NR2F1-AS1: variants seen among roughly 807,000 people sequenced by gnomAD.
NR2F1-AS1 encodes the protein NR2F1 regulatory antisense RNA 1.
intron 4 of NR2F1-AS1, among the ~76,000 whole-genome samples, chr5:93,442,927 C>A (rs892637956): frequency 6.6e-6 from 1 of 152,220 alleles, no homozygotes; most frequent in African/African-American, 2.4e-5. Context: ...CCCAGGCAAA[C>A]AGGGTCTGGA....
At chr5:93,480,035 T>C (rs1383721273) in intron 4 of NR2F1-AS1, among the ~76,000 whole-genome samples, 1 of 152,012 alleles carries the variant, frequency 6.6e-6, no homozygotes, top group Non-Finnish European at 1.5e-5. Flanking sequence ...TCTACAGGAC[T>C]TATAGGACAT....
chr5:93,583,182 A>C (rs1298129313), upstream of NR2F1-AS1: 1 of 152,110 alleles, frequency 6.6e-6, no homozygotes, highest in Non-Finnish European at 1.5e-5. Flanking sequence ...AGTAGTGTCA[A>C]AGTTCACTAT....
At chr5:93,502,487 A>G (rs145683871) in intron 4 of NR2F1-AS1, among the ~76,000 whole-genome samples, 412 of 152,300 alleles carry the variant, frequency 2.7e-3, no homozygotes, top group African/African-American at 9.5e-3. Flanking sequence ...CCTAGGGGCC[A>G]GTAGCTAAGG....
intron 1 of NR2F1-AS1, among the ~76,000 whole-genome samples, chr5:93,564,145 A>C (rs1162532562): frequency 1.5e-5 from 2 of 130,234 alleles, no homozygotes; most frequent in East Asian, 2.1e-4. Flanking sequence ...AAAAAAAAAA[A>C]AAAAACACAC....
At chr5:93,539,493 T>C (rs993295028) in intron 4 of NR2F1-AS1, among the ~76,000 whole-genome samples, 1 of 151,994 alleles carries the variant, frequency 6.6e-6, no homozygotes, top group African/African-American at 2.4e-5. Flanking sequence ...TTAAGTGAAA[T>C]AAGCCAGACA....
chr5:93,515,048 A>G (rs1011893525), intron 4 of NR2F1-AS1, among the ~76,000 whole-genome samples: 8 of 151,928 alleles, frequency 5.3e-5, no homozygotes, highest in African/African-American at 1.9e-4. Context: ...TTTATTTGGC[A>G]AGCTTCTTAG....
intron 1 of NR2F1-AS1, among the ~76,000 whole-genome samples, chr5:93,565,466 GTAAC>G (rs1376021190): frequency 6.6e-6 from 1 of 151,938 alleles, no homozygotes; most frequent in South Asian, 2.1e-4. Context: ...GTAAAAAAAA[GTAAC>G]TAAGTAGCAA....
chr5:93,447,933 G>A (rs1405832857), intron 4 of NR2F1-AS1, among the ~76,000 whole-genome samples: 1 of 152,094 alleles, frequency 6.6e-6, no homozygotes, highest in Non-Finnish European at 1.5e-5. Context: ...ATCATTCTGA[G>A]CAAACTATAG....
intron 4 of NR2F1-AS1, among the ~76,000 whole-genome samples, chr5:93,434,169 T>C (rs781194829): frequency 1.3e-5 from 2 of 152,172 alleles, no homozygotes; most frequent in Non-Finnish European, 2.9e-5. Flanking sequence ...TTTGCCTTTT[T>C]TTCATTGCTA....
rs1580351303 is a variant in NR2F1-AS1, at chr5:93,579,501, C to G, written n.313+966G>C. On this transcript the variant is annotated intron_variant and non_coding_transcript_variant, in intron 1 of 5. Coordinates refer to ENST00000660523, the Ensembl canonical transcript of NR2F1-AS1. The surrounding 1 kb of genome is among the most constrained non-coding windows in gnomAD (Gnocchi z 5.1). ...GTGGGCGCCTCTGCTCCCGGGCAGG[C>G]TCAGCTGTCATCCCGTCTCGCCTTG... 2.0e-5 allele frequency among the ~76,000 whole-genome samples: 3 copies of G among 152,294 alleles called. No individual in the cohort carries two copies. In the Middle Eastern group the frequency reaches 0.01, roughly 518 times the overall value.
intron 4 of NR2F1-AS1, among the ~76,000 whole-genome samples, chr5:93,552,722 C>T (rs1261584370): frequency 1.4e-5 from 2 of 148,018 alleles, no homozygotes; most frequent in Non-Finnish European, 3.0e-5. Context: ...AGAAAATTTA[C>T]TTTGACAACC....
intron 4 of NR2F1-AS1, among the ~76,000 whole-genome samples, chr5:93,411,924 C>A (rs976959454): frequency 6.6e-6 from 1 of 152,170 alleles, no homozygotes. Flanking sequence ...TGGGAAACAA[C>A]AGTTGCAGAT....
chr5:93,497,304 T>C (rs146737224), intron 4 of NR2F1-AS1, among the ~76,000 whole-genome samples: 56 of 152,306 alleles, frequency 3.7e-4, no homozygotes, highest in African/African-American at 1.1e-3. Context: ...TTTGTTTAAG[T>C]TGCTGTGTGA....
rs370432233 is a variant in NR2F1-AS1 at position 93,559,462 on chromosome 5, A to G, written n.413+3902T>C. On this transcript the variant is annotated intron_variant and non_coding_transcript_variant, in intron 2 of 5. Coordinates refer to ENST00000660523, the Ensembl canonical transcript of NR2F1-AS1. Reference sequence around the variant, plus strand: ...CTTTTTTGTTTGTGTTTTCCTTGGAATAACACTTTTAATTTCCTTCAAAAA... The same window carrying G: ...CTTTTTTGTTTGTGTTTTCCTTGGAGTAACACTTTTAATTTCCTTCAAAAA... 4.6e-5 allele frequency among the ~76,000 whole-genome samples: 7 copies of G among 152,334 alleles called. No homozygotes were observed. In the South Asian group the frequency reaches 1.5e-3, roughly 32 times the overall value.
At chr5:93,453,944 G>A (rs1482891445) in intron 4 of NR2F1-AS1, among the ~76,000 whole-genome samples, 1 of 152,150 alleles carries the variant, frequency 6.6e-6, no homozygotes, top group Non-Finnish European at 1.5e-5. Flanking sequence ...GTAAATATGT[G>A]AGTAAAAATA....
chr5:93,461,125 C>T (rs1750081188), intron 4 of NR2F1-AS1, among the ~76,000 whole-genome samples: 1 of 152,166 alleles, frequency 6.6e-6, no homozygotes, highest in East Asian at 1.9e-4. Flanking sequence ...AAATGTGGTA[C>T]ATATACACCA....
intron 4 of NR2F1-AS1, among the ~76,000 whole-genome samples, chr5:93,454,894 A>G (rs1002746981): frequency 1.1e-4 from 16 of 152,000 alleles, no homozygotes; most frequent in Admixed American, 6.6e-5. Flanking sequence ...CTTCCCACAC[A>G]CCTTGTCCTA....
At chr5:93,417,143 T>A (rs897986234) in intron 4 of NR2F1-AS1, among the ~76,000 whole-genome samples, 1 of 152,208 alleles carries the variant, frequency 6.6e-6, no homozygotes, top group Non-Finnish European at 1.5e-5. Flanking sequence ...ATCTGCTTTT[T>A]AAAGGAATAG....
intron 1 of NR2F1-AS1, among the ~76,000 whole-genome samples, chr5:93,564,125 A>C (rs1752560946): frequency 6.0e-5 from 6 of 100,372 alleles, no homozygotes; most frequent in South Asian, 5.6e-4. Flanking sequence ...AAAAAAAAAA[A>C]AAAAAAAAAA....
Sources: allele counts gnomAD v4.1 joint callset (sites outside exome capture counted in the v4.1 genomes callset), GRCh38; gene constraint gnomAD v4.1.1; non-coding constraint Gnocchi (gnomAD v3.1); transcripts MANE v1.5; gene names NCBI Gene and HGNC (gene_info 2026-07-23, HGNC 2026-07-21).